Variants in FLNB observed in about 807,000 individuals in gnomAD.
FLNB encodes filamin-B.
FLNB carries 111 observed loss-of-function variants against 250.6 expected under a neutral mutation model. The ratio of observed to expected loss-of-function variants is 0.44; its 90% CI spans 0.38 to 0.52. FLNB has a LOEUF of 0.52. Ranked by LOEUF, FLNB falls within the 20% of genes least tolerant of loss-of-function variation. The probability of loss-of-function intolerance (pLI) is 0.00; values close to 1 mark genes in which losing one functional copy is unlikely to be tolerated. For missense variants in FLNB, 2,869 were observed against 3,447.8 expected, an observed-to-expected ratio of 0.83 and a Z score of 4.20; for synonymous variants, 1,302 against 1,372.1, an observed-to-expected ratio of 0.95 and a Z score of 1.13.
chr3:58,143,293 G>GA lies in FLNB; in HGVS notation c.5285-168dup, dbSNP rs35408341. 3.6e-3 allele frequency among the ~76,000 whole-genome samples: 518 copies of GA among 145,636 alleles called. 4 individuals are homozygous for GA. Among genetic ancestry groups the GA allele is most frequent in the African/African-American group, 8.0e-3 (316 of 39,524 alleles). ...ATTTTGTGGAAGCCAAATGGAACTGGAAAAAAAAAAAAGAAAAGAGCAAAT... is the reference window on the plus strand; with the variant it reads ...ATTTTGTGGAAGCCAAATGGAACTGGAAAAAAAAAAAAAGAAAAGAGCAAAT... On this transcript the variant is annotated intron_variant, in intron 31 of 45. Transcript: ENST00000295956.
At chr3:58,071,032 C>T (rs1468881692) in intron 1 of FLNB, among the ~76,000 whole-genome samples, 1 of 150,820 alleles carries the variant, frequency 6.6e-6, no homozygotes, top group Non-Finnish European at 1.5e-5. Flanking sequence ...ACTGCAGCCT[C>T]GATCTCCTGG....
At chr3:58,053,418 A>G (rs1391557967) in intron 1 of FLNB, among the ~76,000 whole-genome samples, 1 of 152,222 alleles carries the variant, frequency 6.6e-6, no homozygotes, top group Non-Finnish European at 1.5e-5. Context: ...AGCTATTCAT[A>G]GCCAAATCAT....
At position 58,020,719 on chromosome 3, in the gene FLNB, G is replaced by GA. The variant is rs10716613; in HGVS notation, c.292+11879dup. ...CAAGTTTTCTGGAATTTCCTTTCCA[G>GA]AAAAAAAAAAAAAAAAGGCTACTAA... On this transcript the variant is annotated intron_variant, in intron 1 of 45. Transcript: ENST00000295956. Among the ~76,000 whole-genome samples, 1,026 of 125,116 alleles carry GA rather than the reference G, an allele frequency of 8.2e-3. 5 individuals carry two copies. The highest frequency in any genetic ancestry group is 0.012 in the Non-Finnish European group (702 of 56,370). 82.1% of individuals were successfully genotyped at this position (125,116 alleles called of 152,430 possible). A position where few individuals can be genotyped will look rare whatever the true frequency, so the allele number is the denominator to read the frequency against.
intron 29 of FLNB, among the ~76,000 whole-genome samples, chr3:58,141,194 A>G (rs1000550592): frequency 6.6e-6 from 1 of 152,186 alleles, no homozygotes; most frequent in Admixed American, 6.5e-5. Flanking sequence ...TTGAGGCTGT[A>G]GTAAGCTGAG....
intron 1 of FLNB, among the ~76,000 whole-genome samples, chr3:58,029,754 C>T (rs1022505206): frequency 6.6e-6 from 1 of 152,048 alleles, no homozygotes; most frequent in East Asian, 1.9e-4. Context: ...CCCAACCCCC[C>T]CGACCTCCCC....
intron 12 of FLNB, among the ~76,000 whole-genome samples, chr3:58,107,649 T>C (rs2097261818): frequency 6.6e-6 from 1 of 152,210 alleles, no homozygotes; most frequent in Non-Finnish European, 1.5e-5. Context: ...CCTAGTTCCG[T>C]GTCTCTTAAG....
chr3:58,167,018 A>C (rs4343595), intron 43 of FLNB, among the ~76,000 whole-genome samples: 61,208 of 151,806 alleles, frequency 0.4, 14,836 homozygotes, highest in East Asian at 0.91. Flanking sequence ...ATCCCAGCTA[A>C]TCAGGAAGCT....
At chr3:58,134,265 C>T (rs962982140) in intron 26 of FLNB, among the ~76,000 whole-genome samples, 5 of 152,204 alleles carry the variant, frequency 3.3e-5, no homozygotes, top group African/African-American at 4.8e-5. Flanking sequence ...CTAGATTGCA[C>T]ACTCCTTGTG....
In FLNB at chr3:58,037,416, A is replaced by T. The variant is rs79576484; in HGVS notation, c.292+28560A>T. 5.2e-3 allele frequency among the ~76,000 whole-genome samples: 785 copies of T among 152,312 alleles called. 6 individuals carry two copies. Among genetic ancestry groups the T allele is most frequent in the African/African-American group, 0.018 (752 of 41,562 alleles). On this transcript the variant is annotated intron_variant, in intron 1 of 45. Transcript: ENST00000295956. ...TGCAAGTTGTCCTCAGTGGGCTGCT[A>T]GCATTGGCTTCAACCTTCATATCAG...
In FLNB at chr3:58,150,101, G is replaced by T. The variant is rs546082587; in HGVS notation, c.6245-4G>T. Reference sequence around the variant, plus strand: ...GCTCACAGGAGCCTTCTTGGGTCTTGCAGGGAGCCCATTTACCGTGAAGAT... The same window carrying T: ...GCTCACAGGAGCCTTCTTGGGTCTTTCAGGGAGCCCATTTACCGTGAAGAT... On this transcript the variant is annotated splice_region_variant and splice_polypyrimidine_tract_variant and intron_variant, in intron 37 of 45. Transcript: ENST00000295956. 1 of 1,614,262 alleles carries T rather than the reference G, an allele frequency of 6.2e-7. No homozygotes were observed. The highest frequency in any genetic ancestry group is 1.7e-5 in the Admixed American group (1 of 60,032).
chr3:58,149,352 G>A (rs552382784), intron 36 of FLNB: 28 of 249,424 alleles, frequency 1.1e-4, no homozygotes, highest in African/African-American at 6.1e-4. Flanking sequence ...GGATGGCCAC[G>A]CTGGTGAATT....
At chr3:58,064,682 G>T (rs1023420608) in intron 1 of FLNB, among the ~76,000 whole-genome samples, 1 of 151,926 alleles carries the variant, frequency 6.6e-6, no homozygotes, top group Non-Finnish European at 1.5e-5. Context: ...ATGCATAGGG[G>T]ACCTCTTGAA....
chr3:58,085,214 C>T (rs1349097784), intron 4 of FLNB, among the ~76,000 whole-genome samples: 1 of 152,166 alleles, frequency 6.6e-6, no homozygotes. Context: ...ATTGGTGGAT[C>T]ATATGGTAAT....
intron 1 of FLNB, among the ~76,000 whole-genome samples, chr3:58,020,358 C>A (rs868186833): frequency 2.6e-5 from 4 of 152,196 alleles, no homozygotes; most frequent in Non-Finnish European, 5.9e-5. Context: ...AAGCAGGCAG[C>A]TTTCCGCTCA....
chr3:58,092,984 G>A (rs1279736274), intron 4 of FLNB, among the ~76,000 whole-genome samples: 1 of 152,124 alleles, frequency 6.6e-6, no homozygotes, highest in African/African-American at 2.4e-5. Context: ...ACGCCATTAA[G>A]GGCTCGGTCC....
At chr3:58,075,034 C>T (rs991542426) in intron 1 of FLNB, among the ~76,000 whole-genome samples, 2 of 151,858 alleles carry the variant, frequency 1.3e-5, no homozygotes, top group Non-Finnish European at 2.9e-5. Flanking sequence ...TCTTTTTTTG[C>T]AAGAGGATAT....
chr3:58,097,875 A>G lies in FLNB; in HGVS notation c.1045A>G (p.Lys349Glu). ...GAGCCCATTTGAAGTGAGTGTTGAC[A>G]AGGCCCAGGGAGATGCCAGTAAAGT... is the stretch of plus-strand genomic sequence containing the variant. ...SKSPFEVSVD[K>E]AQGDASKVTA... Residue 349 changes from lysine to glutamate, a missense_variant, in exon 7 of 46, where the codon AAG becomes GAG. This residue lies in a region of FLNB where 308 missense variants were observed against 466.1 expected (regional missense o/e 0.66). Coordinates refer to ENST00000295956, the MANE Select transcript of FLNB (RefSeq NM_001457.4). 1 of 1,614,188 alleles carries G rather than the reference A, an allele frequency of 6.2e-7. No homozygotes were observed. Among genetic ancestry groups the G allele is most frequent in the Non-Finnish European group, 8.5e-7 (1 of 1,180,020 alleles).
At chr3:58,043,631 T>C (rs1274408240) in intron 1 of FLNB, among the ~76,000 whole-genome samples, 1 of 152,102 alleles carries the variant, frequency 6.6e-6, no homozygotes, top group Non-Finnish European at 1.5e-5. Flanking sequence ...TTTGGCTCTA[T>C]GTGGTGGCAG....
chr3:58,090,340 G>T (rs1039471542), intron 4 of FLNB, among the ~76,000 whole-genome samples: 13 of 152,112 alleles, frequency 8.5e-5, no homozygotes, highest in African/African-American at 3.1e-4. Context: ...GGACTTGCTT[G>T]AGGCTGCTTT....
Sources: allele counts gnomAD v4.1 joint callset (sites outside exome capture counted in the v4.1 genomes callset), GRCh38; gene constraint gnomAD v4.1.1; regional missense constraint gnomAD v4.1.1; transcripts MANE v1.5; gene names NCBI Gene and HGNC (gene_info 2026-07-23, HGNC 2026-07-21).